The following NECTIN3 variants were observed in gnomAD, a reference collection of about 807,000 sequenced individuals.
NECTIN3 encodes the protein nectin cell adhesion molecule 3, also known as nectin-3.
NECTIN3 carries 8 observed loss-of-function variants against 49.4 expected under a neutral mutation model. The ratio of observed to expected loss-of-function variants is 0.16; its 90% CI spans 0.10 to 0.29. NECTIN3 has a LOEUF of 0.29. Ranked by LOEUF, NECTIN3 falls within the 10% of genes least tolerant of loss-of-function variation. The pLI is 1.00. For missense variants in NECTIN3, 581 were observed against 654.6 expected (o/e 0.89, Z 1.23); for synonymous variants, 277 against 241.1 (o/e 1.15, Z -1.38).
At chr3:111,072,377 C>T (rs1337852685) in intron 1 of NECTIN3, 200 bp downstream of exon 1, 2 of 1,488,016 alleles carry the variant, frequency 1.3e-6, no homozygotes, top group South Asian at 1.3e-5. Flanking sequence ...GCTGAGCCGG[C>T]GGCCCGCTGC....
chr3:111,072,072 C>G lies in NECTIN3; in HGVS notation c.55C>G (p.Leu19Val). 1 of 1,549,164 alleles carries G rather than the reference C, an allele frequency of 6.5e-7. No homozygotes were observed. The highest frequency in any genetic ancestry group is 1.4e-5 in the African/African-American group (1 of 72,864). The change falls in exon 1 of 6, where the codon CTT becomes GTT. Residue 19 changes from leucine to valine, a missense_variant. Coordinates refer to ENST00000485303, the MANE Select transcript of NECTIN3 (RefSeq NM_015480.3). ...GTGTCCTGGAGGCGGCAAAGCACAA[C>G]TTTCCTCCGCTTCTCTCCTCGGAGC... ...PLCPGGGKAQ[L>V]SSASLLGAGL...
chr3:111,170,926 A>G (rs1030370059), intron 7 of NECTIN3, among the ~76,000 whole-genome samples: 1 of 152,198 alleles, frequency 6.6e-6, no homozygotes, highest in Non-Finnish European at 1.5e-5. Context: ...AAGTAATTTT[A>G]CCAGGGTCAT....
At chr3:111,099,577 A>G (rs2032782670) in intron 1 of NECTIN3, among the ~76,000 whole-genome samples, 1 of 152,182 alleles carries the variant, frequency 6.6e-6, no homozygotes, top group Non-Finnish European at 1.5e-5. Context: ...TGAACACTTA[A>G]TATGTGCTAT....
At chr3:111,143,879 A>G (rs1423311245) in intron 5 of NECTIN3, among the ~76,000 whole-genome samples, 2 of 152,008 alleles carry the variant, frequency 1.3e-5, no homozygotes, top group Admixed American at 6.6e-5. Context: ...GAGCTGCAAT[A>G]TCTTTATTTA....
Position 111,126,172 on chromosome 3 carries a change from T to G in NECTIN3, c.918-12T>G. 1 of 1,526,598 alleles carries G rather than the reference T, an allele frequency of 6.6e-7. No individual in the cohort carries two copies. The highest frequency in any genetic ancestry group is 1.3e-5 in the South Asian group (1 of 75,818). 94.6% of individuals were successfully genotyped at this position (1,526,598 alleles called of 1,614,324 possible). On this transcript the variant is annotated splice_polypyrimidine_tract_variant and intron_variant, in intron 4 of 5. Transcript: ENST00000485303. The stretch of plus-strand genomic sequence containing the variant: ...AGATATTTAAAATAATTTTATGCAT[T>G]TTAAAATCTAGGTTGGATGGACAAT...
chr3:111,126,446 G>C (rs1320235672), intron 5 of NECTIN3, 111 bp downstream of exon 5: 6 of 935,494 alleles, frequency 6.4e-6, no homozygotes, highest in Non-Finnish European at 9.5e-6. Flanking sequence ...AGATTCCTCA[G>C]TGTGAAGTTT....
intron 2 of NECTIN3, among the ~76,000 whole-genome samples, chr3:111,116,175 A>G (rs982048501): frequency 6.6e-6 from 1 of 152,112 alleles, no homozygotes. Context: ...ATTTAAAGGA[A>G]GGGGTTAGAA....
intron 7 of NECTIN3, among the ~76,000 whole-genome samples, chr3:111,165,153 C>T (rs1251455760): frequency 6.6e-6 from 1 of 152,122 alleles, no homozygotes; most frequent in East Asian, 1.9e-4. Context: ...ACACCATTCT[C>T]CTGCCTCAGC....
chr3:111,193,401 C>T (rs978699315), intron 1 of NECTIN3: 3 of 1,523,748 alleles, frequency 2.0e-6, no homozygotes, highest in Non-Finnish European at 1.8e-6. Flanking sequence ...TTCCAATGGG[C>T]GTTCTAACAA....
intron 5 of NECTIN3, among the ~76,000 whole-genome samples, chr3:111,142,567 T>A (rs1029023087): frequency 6.6e-6 from 1 of 151,872 alleles, no homozygotes; most frequent in Non-Finnish European, 1.5e-5. Context: ...AGACAAGCAT[T>A]ACTTCAAGAT....
chr3:111,139,864 T>C (rs1406898851), downstream of NECTIN3, among the ~76,000 whole-genome samples: 2 of 151,844 alleles, frequency 1.3e-5, no homozygotes, highest in African/African-American at 2.4e-5. Context: ...TTTAGCTATC[T>C]GATAATATAT....
intron 7 of NECTIN3, among the ~76,000 whole-genome samples, chr3:111,162,767 T>A (rs2035239701): frequency 6.6e-6 from 1 of 152,202 alleles, no homozygotes; most frequent in Non-Finnish European, 1.5e-5. Flanking sequence ...TCCTTTAAGC[T>A]TTTACCAACA....
chr3:111,107,227 G>A (rs1186573775), intron 1 of NECTIN3, among the ~76,000 whole-genome samples: 4 of 151,876 alleles, frequency 2.6e-5, no homozygotes, highest in African/African-American at 7.3e-5. Flanking sequence ...GTATCTCCCA[G>A]GCACTCTGTA....
At chr3:111,148,839 A>G (rs2034938623) in intron 7 of NECTIN3, among the ~76,000 whole-genome samples, 1 of 152,030 alleles carries the variant, frequency 6.6e-6, no homozygotes, top group African/African-American at 2.4e-5. Context: ...ATAGTATCAT[A>G]TAGAAAATTG....
intron 1 of NECTIN3, 131 bp from the exon 2 acceptor site, chr3:111,111,889 GTGTGTGTGCA>G (rs2107449204): frequency 9.0e-6 from 5 of 557,404 alleles, no homozygotes; most frequent in East Asian, 6.0e-5. Context: ...GTGCATGTGT[GTGTGTGTGCA>G]TGTGTGTGTG....
chr3:111,148,385 G>A (rs2034927463), intron 7 of NECTIN3, among the ~76,000 whole-genome samples: 1 of 152,188 alleles, frequency 6.6e-6, no homozygotes, highest in South Asian at 2.1e-4. Flanking sequence ...CTGTCAGTGG[G>A]CACTAGCTTT....
In NECTIN3 at chr3:111,126,187, G is replaced by T. The variant is rs1249485603; in HGVS notation, c.921G>T (p.Leu307Phe). Residue 307 changes from leucine to phenylalanine, a missense_variant, in exon 5 of 6, where the codon TTG (leucine) becomes TTT (phenylalanine). Physicochemically the swap from Leu to Phe is conservative, Grantham distance 22. Coordinates refer to ENST00000485303, the MANE Select transcript of NECTIN3 (RefSeq NM_015480.3). ...TTTTATGCATTTTAAAATCTAGGTT[G>T]GATGGACAATGGCCTGATGGTTTAT... Reference protein sequence around the residue: ...PPPFKSVWSRLDGQWPDGLLA... With the variant: ...PPPFKSVWSRFDGQWPDGLLA... 1 of 1,558,808 alleles carries T rather than the reference G, an allele frequency of 6.4e-7. No homozygotes were observed. Among genetic ancestry groups the T allele is most frequent in the African/African-American group, 1.4e-5 (1 of 71,694 alleles).
chr3:111,136,246 G>A lies in NECTIN3; in HGVS notation c.*2031G>A, dbSNP rs1210296834. The A allele has an allele frequency of 4.2e-6, 4 of 960,932 alleles. No individual in the cohort carries two copies. The Admixed American group carries it at 1.9e-4, about 45-fold the overall frequency. 59.5% of individuals were successfully genotyped at this position (960,932 alleles called of 1,614,324 possible). A position where few individuals can be genotyped will look rare whatever the true frequency, so the allele number is the denominator to read the frequency against. Reference sequence around the variant, plus strand: ...GGATTCTATATAAATCTCAACTGGAGTATAATCTGAAGGAAATTAGCAGTG... The same window carrying A: ...GGATTCTATATAAATCTCAACTGGAATATAATCTGAAGGAAATTAGCAGTG... On this transcript the variant is annotated 3_prime_UTR_variant, in exon 6 of 6. Transcript: ENST00000485303.
intron 7 of NECTIN3, among the ~76,000 whole-genome samples, chr3:111,166,177 C>A (rs1314745793): frequency 6.6e-6 from 1 of 152,150 alleles, no homozygotes; most frequent in Non-Finnish European, 1.5e-5. Context: ...CCAGAATGGG[C>A]AAAGGAAGGC....
Sources: allele counts gnomAD v4.1 joint callset (sites outside exome capture counted in the v4.1 genomes callset), GRCh38; gene constraint gnomAD v4.1.1; transcripts MANE v1.5; gene names NCBI Gene and HGNC (gene_info 2026-07-23, HGNC 2026-07-21).